NR3C2: variants seen among roughly 807,000 people sequenced by gnomAD.
The protein encoded by NR3C2 is nuclear receptor subfamily 3 group C member 2.
In NR3C2, 15 loss-of-function variants were observed where a neutral mutation model predicts 86.4. That is an observed-to-expected ratio of 0.17 (90% CI 0.12 to 0.27). The LOEUF (loss-of-function observed/expected upper bound fraction) is 0.27, where lower values mean the gene tolerates loss of function less well. Among genes scored for constraint, NR3C2 ranks in the 10% least tolerant of loss-of-function variants. The pLI is 1.00. For missense variants in NR3C2, 960 were observed against 1,195.6 expected (o/e 0.80, Z 2.91); for synonymous variants, 458 against 450.5 (o/e 1.02, Z -0.21).
At position 148,081,278 on chromosome 4, in the gene NR3C2, T is replaced by C; in HGVS notation, c.*66A>G. On this transcript the variant is annotated 3_prime_UTR_variant, in exon 9 of 9. Transcript: ENST00000358102. ...ATCACATGTTAAAAACAGGTTTTCTTGGGTCCTTCTGGGTGTGGAACAACA... is the reference window on the plus strand; with the variant it reads ...ATCACATGTTAAAAACAGGTTTTCTCGGGTCCTTCTGGGTGTGGAACAACA... The C allele has an allele frequency of 6.2e-7, 1 of 1,602,884 alleles. No individual in the cohort carries two copies. The highest frequency in any genetic ancestry group is 8.5e-7 in the Non-Finnish European group (1 of 1,170,138).
intron 6 of NR3C2, among the ~76,000 whole-genome samples, chr4:148,151,995 T>C (rs1026848425): frequency 6.6e-6 from 1 of 152,216 alleles, no homozygotes; most frequent in African/African-American, 2.4e-5. Context: ...TCTTTTATGA[T>C]GGCAAAGAAG....
intron 3 of NR3C2, among the ~76,000 whole-genome samples, chr4:148,207,562 T>C (rs950644741): frequency 3.3e-5 from 5 of 152,222 alleles, no homozygotes; most frequent in African/African-American, 9.7e-5. Flanking sequence ...ATGCGATTCA[T>C]AAGGCAGTAA....
At chr4:148,198,894 C>T (rs2149806135) in intron 3 of NR3C2, among the ~76,000 whole-genome samples, 1 of 151,536 alleles carries the variant, frequency 6.6e-6, no homozygotes, top group South Asian at 2.1e-4. Flanking sequence ...TCCTGGCTAA[C>T]ACGGTGACAC....
chr4:148,152,392 G>A, intron 6 of NR3C2, 77 bp downstream of exon 6: 1 of 1,506,914 alleles, frequency 6.6e-7, no homozygotes, highest in Middle Eastern at 2.3e-4. Context: ...ACGTACATCT[G>A]TTTAGAAATT....
chr4:148,095,806 G>A (rs1440602596), intron 8 of NR3C2, among the ~76,000 whole-genome samples: 1 of 152,192 alleles, frequency 6.6e-6, no homozygotes, highest in Non-Finnish European at 1.5e-5. Flanking sequence ...GGAGGGTGGA[G>A]GGGTGGAGTA....
chr4:148,177,447 T>C (rs145008479), intron 4 of NR3C2, among the ~76,000 whole-genome samples: 55 of 152,320 alleles, frequency 3.6e-4, no homozygotes, highest in East Asian at 1.2e-3. Context: ...GAGGACTTTA[T>C]TGTAACATAA....
At chr4:148,345,917 T>C (rs2149986691) in intron 2 of NR3C2, among the ~76,000 whole-genome samples, 1 of 152,132 alleles carries the variant, frequency 6.6e-6, no homozygotes, top group Admixed American at 6.6e-5. Context: ...TTACAAATGA[T>C]GAGAGCTATG....
chr4:148,216,968 C>A lies in NR3C2; in HGVS notation c.1898-22106G>T, dbSNP rs17620469. On this transcript the variant is annotated intron_variant, in intron 3 of 8. Transcript: ENST00000358102. ...AAGCCACATTTGCTGAAAGCCACCA[C>A]CACAGAGCTGGGGATAAGCCAAACG... Among the ~76,000 whole-genome samples, 383 of 152,278 alleles carry A rather than the reference C, an allele frequency of 2.5e-3. 9 individuals carry two copies. The East Asian group carries it at 0.042, about 17-fold the overall frequency.
chr4:148,275,721 T>G (rs11727220), intron 2 of NR3C2, among the ~76,000 whole-genome samples: 7,943 of 152,204 alleles, frequency 0.052, 256 homozygotes, highest in African/African-American at 0.099. Context: ...TGAGCCACAG[T>G]GCCCAGATGC....
intron 2 of NR3C2, among the ~76,000 whole-genome samples, chr4:148,360,186 C>T (rs535865539): frequency 2.3e-4 from 35 of 152,276 alleles, no homozygotes; most frequent in African/African-American, 7.2e-4. Flanking sequence ...CTACTTTATA[C>T]TTTCTTATCA....
At chr4:148,231,064 A>G (rs1262555206) in intron 3 of NR3C2, among the ~76,000 whole-genome samples, 1 of 152,214 alleles carries the variant, frequency 6.6e-6, no homozygotes, top group African/African-American at 2.4e-5. Context: ...CCTACTTGTC[A>G]AGGTAATTTT....
chr4:148,232,434 T>C (rs1560991080), intron 3 of NR3C2, among the ~76,000 whole-genome samples: 1 of 152,224 alleles, frequency 6.6e-6, no homozygotes, highest in South Asian at 2.1e-4. Context: ...AATATCTTTT[T>C]GTCTGAGCAG....
chr4:148,255,303 C>T (rs182425763), intron 3 of NR3C2, among the ~76,000 whole-genome samples: 11 of 152,284 alleles, frequency 7.2e-5, no homozygotes, highest in Non-Finnish European at 1.3e-4. Context: ...ATAGAATACA[C>T]AATCATAAAT....
chr4:148,191,220 G>GT (rs1736180945), intron 4 of NR3C2, among the ~76,000 whole-genome samples: 1 of 152,160 alleles, frequency 6.6e-6, no homozygotes, highest in Admixed American at 6.5e-5. Flanking sequence ...GAAAATGGCT[G>GT]TATCTTTCCT....
intron 2 of NR3C2, among the ~76,000 whole-genome samples, chr4:148,421,906 T>C (rs1749300570): frequency 6.6e-6 from 1 of 152,174 alleles, no homozygotes; most frequent in African/African-American, 2.4e-5. Flanking sequence ...CATGAAATTA[T>C]ACTCTCTCAT....
rs141209074 is a variant in NR3C2, at chr4:148,214,778, C to T, written c.1898-19916G>A. On this transcript the variant is annotated intron_variant, in intron 3 of 8. Transcript: ENST00000358102. ...GGAATGCAGGCTCCGTGTTGCCAGA[C>T]CTTTCACTACTTCAGGAGAGGCTGG... 3.5e-3 allele frequency among the ~76,000 whole-genome samples: 540 copies of T among 152,294 alleles called. 3 individuals carry two copies. Among genetic ancestry groups the T allele is most frequent in the Admixed American group, 6.0e-3 (92 of 15,292 alleles).
At chr4:148,391,820 T>C (rs771911938) in intron 2 of NR3C2, among the ~76,000 whole-genome samples, 18 of 150,646 alleles carry the variant, frequency 1.2e-4, no homozygotes, top group Non-Finnish European at 2.5e-4. Flanking sequence ...TGAGCCAAGA[T>C]TGGGCCACTG....
At chr4:148,135,070 G>A (rs1401116829) in intron 6 of NR3C2, among the ~76,000 whole-genome samples, 1 of 152,152 alleles carries the variant, frequency 6.6e-6, no homozygotes, top group Non-Finnish European at 1.5e-5. Context: ...ACTGGAGGGT[G>A]GCAGAATGTG....
rs912272677 is a variant in NR3C2, at chr4:148,436,494, T to C, written c.367A>G (p.Asn123Asp). ...RDADYSYEQQ[N>D]QQGSMSPAKI... ...GCTGGACTCATGCTTCCTTGTTGGT[T>C]CTGCTGCTCATAGGAATAGTCAGCA... Residue 123 changes from asparagine to aspartate, a missense_variant, in exon 2 of 9, where the codon AAC becomes GAC. Asn to Asp is a conservative substitution (Grantham distance 23). Around this residue, in one of 4 missense-constraint regions of NR3C2, gnomAD observed 680 missense variants for 719.0 expected, o/e 0.95. Coordinates refer to ENST00000358102, the MANE Select transcript of NR3C2 (RefSeq NM_000901.5). 14 of 1,614,128 alleles carry C rather than the reference T, an allele frequency of 8.7e-6. No individual in the cohort carries two copies. The highest frequency in any genetic ancestry group is 1.1e-5 in the Non-Finnish European group (13 of 1,180,044).
Sources: allele counts gnomAD v4.1 joint callset (sites outside exome capture counted in the v4.1 genomes callset), GRCh38; gene constraint gnomAD v4.1.1; regional missense constraint gnomAD v4.1.1; transcripts MANE v1.5; gene names NCBI Gene and HGNC (gene_info 2026-07-23, HGNC 2026-07-21).